COL25A1: variants seen among roughly 807,000 people sequenced by gnomAD.
COL25A1 encodes collagen type XXV alpha 1 chain, also known as collagen alpha-1(XXV) chain.
COL25A1 carries 103 observed loss-of-function variants against 128.4 expected under a neutral mutation model. The ratio of observed to expected loss-of-function variants is 0.80; its 90% CI spans 0.68 to 0.94. The LOEUF (loss-of-function observed/expected upper bound fraction) is 0.94. Among genes scored for constraint, COL25A1 ranks in the 40% least tolerant of loss-of-function variants. The pLI is 0.00. For synonymous variants in COL25A1, 279 were observed against 277.2 expected, an observed-to-expected ratio of 1.01 and a Z score of -0.06; for missense variants, 745 against 840.0, an observed-to-expected ratio of 0.89 and a Z score of 1.40.
chr4:109,112,391 CATA>C lies in COL25A1; in HGVS notation c.368-62215_368-62213del, dbSNP rs1435096291. Among the ~76,000 whole-genome samples, 3 of 152,034 alleles carry C rather than the reference CATA, an allele frequency of 2.0e-5. No homozygotes were observed. In the East Asian group the frequency reaches 5.8e-4, roughly 29 times the overall value. The stretch of plus-strand genomic sequence containing the variant: ...CTTCCCAAGCTAATGCTTGTCTGAC[CATA>C]ATAAATATGGTGGATTATGGAATGA... On this transcript the variant is annotated intron_variant, in intron 3 of 37. Coordinates refer to ENST00000399132, the MANE Select transcript of COL25A1 (RefSeq NM_198721.4).
chr4:109,085,610 A>T (rs1434210418), intron 3 of COL25A1, among the ~76,000 whole-genome samples: 3 of 152,196 alleles, frequency 2.0e-5, no homozygotes, highest in Non-Finnish European at 4.4e-5. Context: ...TTGCACAAAA[A>T]GCCATCAAGG....
intron 3 of COL25A1, among the ~76,000 whole-genome samples, chr4:109,069,513 G>A (rs1025047471): frequency 5.9e-5 from 9 of 152,242 alleles, no homozygotes; most frequent in South Asian, 2.1e-4. Flanking sequence ...TTTAAAGTAC[G>A]TGGAATTTCA....
At chr4:108,844,369 T>A in intron 30 of COL25A1, 150 bp downstream of exon 30, 1 of 1,355,940 alleles carries the variant, frequency 7.4e-7, no homozygotes, top group East Asian at 2.4e-5. Context: ...ACTGTAAAGT[T>A]AATATATCTC....
At chr4:109,255,547 C>G (rs1302252615) in intron 3 of COL25A1, among the ~76,000 whole-genome samples, 2 of 152,118 alleles carry the variant, frequency 1.3e-5, no homozygotes, top group Non-Finnish European at 2.9e-5. Flanking sequence ...TATGGAAACC[C>G]CTTCCCTCCT....
At chr4:109,110,673 T>C (rs1417683890) in intron 3 of COL25A1, among the ~76,000 whole-genome samples, 1 of 152,098 alleles carries the variant, frequency 6.6e-6, no homozygotes, top group Non-Finnish European at 1.5e-5. Context: ...CTTTTCCTGC[T>C]CCTCCTTTTC....
chr4:108,980,986 G>A (rs1752919172), intron 6 of COL25A1, among the ~76,000 whole-genome samples: 1 of 152,104 alleles, frequency 6.6e-6, no homozygotes, highest in Non-Finnish European at 1.5e-5. Flanking sequence ...CAATTCTACT[G>A]CCTACTCCCT....
chr4:109,012,992 A>C (rs1481973289), intron 5 of COL25A1, among the ~76,000 whole-genome samples: 1 of 152,208 alleles, frequency 6.6e-6, no homozygotes, highest in Non-Finnish European at 1.5e-5. Context: ...TATATGCACC[A>C]ATCAGCACTC....
In COL25A1 at chr4:108,813,342, A is replaced by C. The variant is rs138590734; in HGVS notation, c.*585T>G. Reference sequence around the variant, plus strand: ...GGTGTAACCCCCTTGAGATGACAAAAGGAATAAAGGTTCAGATGTAATCAA... The same window carrying C: ...GGTGTAACCCCCTTGAGATGACAAACGGAATAAAGGTTCAGATGTAATCAA... On this transcript the variant is annotated 3_prime_UTR_variant, in exon 38 of 38. Coordinates refer to ENST00000399132, the MANE Select transcript of COL25A1 (RefSeq NM_198721.4). 2 of 152,538 alleles carry C rather than the reference A, an allele frequency of 1.3e-5. No homozygotes were observed. The highest frequency in any genetic ancestry group is 3.9e-4 in the East Asian group (2 of 5,186). 9.4% of individuals were successfully genotyped at this position (152,538 alleles called of 1,614,324 possible). A position where few individuals can be genotyped will look rare whatever the true frequency, so the allele number is the denominator to read the frequency against.
intron 8 of COL25A1, among the ~76,000 whole-genome samples, chr4:108,945,962 G>A (rs1258319030): frequency 6.6e-6 from 1 of 152,162 alleles, no homozygotes; most frequent in East Asian, 1.9e-4. Flanking sequence ...ACTGCACCTG[G>A]CCTGAAATAA....
chr4:109,148,413 C>A (rs1004685800), intron 3 of COL25A1, among the ~76,000 whole-genome samples: 3 of 152,168 alleles, frequency 2.0e-5, no homozygotes, highest in Admixed American at 2.0e-4. Context: ...CTTACCTTTA[C>A]AAAGGAACCT....
chr4:109,052,267 A>G (rs3096488), intron 3 of COL25A1, among the ~76,000 whole-genome samples: 73,775 of 152,016 alleles, frequency 0.49, 19,450 homozygotes, highest in African/African-American at 0.67. Flanking sequence ...ACCAAAATAT[A>G]AATATTTCTG....
chr4:108,874,391 G>A (rs930766159), intron 19 of COL25A1, among the ~76,000 whole-genome samples: 3 of 152,130 alleles, frequency 2.0e-5, no homozygotes, highest in South Asian at 2.1e-4. Flanking sequence ...ACAAAGTGAC[G>A]GAGGAAACTG....
At chr4:109,039,471 T>C (rs1759660018) in intron 5 of COL25A1, among the ~76,000 whole-genome samples, 1 of 152,204 alleles carries the variant, frequency 6.6e-6, no homozygotes, top group Non-Finnish European at 1.5e-5. Context: ...TCTTGGAAAA[T>C]ACACACTACT....
chr4:108,834,500 G>T, intron 31 of COL25A1: 2 of 926,542 alleles, frequency 2.2e-6, no homozygotes, highest in Non-Finnish European at 3.4e-6. Context: ...AACATAATAC[G>T]CAGTTACAGG....
chr4:108,823,709 C>G (rs147422255), intron 35 of COL25A1, among the ~76,000 whole-genome samples: 1 of 152,290 alleles, frequency 6.6e-6, no homozygotes, highest in Non-Finnish European at 1.5e-5. Context: ...ATCAGTCACA[C>G]TGCTTCTCCT....
Position 108,819,173 on chromosome 4 carries a change from C to A in COL25A1, c.1923+79G>T, listed in dbSNP as rs984399397. On this transcript the variant is annotated intron_variant, in intron 36 of 37. Transcript: ENST00000399132. ...TCATGTAAAGCTTGCCCAGAAAGCA[C>A]CACTTTACACTGATAGAGATGAACA... 5.5e-6 allele frequency: 6 copies of A among 1,098,126 alleles called. No individual in the cohort carries two copies. The Admixed American group carries it at 1.5e-4, about 28-fold the overall frequency. 68.0% of individuals were successfully genotyped at this position (1,098,126 alleles called of 1,614,324 possible). A position where few individuals can be genotyped will look rare whatever the true frequency, so the allele number is the denominator to read the frequency against.
At chr4:109,022,292 G>A in intron 5 of COL25A1, 1 of 381,304 alleles carries the variant, frequency 2.6e-6, no homozygotes, top group South Asian at 1.9e-5. Context: ...TGAAATATTG[G>A]GGGCGGGTTC....
intron 26 of COL25A1, 130 bp from the exon 27 acceptor site, chr4:108,848,933 T>C: frequency 1.5e-6 from 1 of 686,850 alleles, no homozygotes; most frequent in Non-Finnish European, 2.6e-6. Context: ...CCGAGAATAT[T>C]CTATTATAGC....
At chr4:109,281,503 C>A (rs1723389393) in intron 3 of COL25A1, among the ~76,000 whole-genome samples, 1 of 151,578 alleles carries the variant, frequency 6.6e-6, no homozygotes, top group African/African-American at 2.4e-5. Flanking sequence ...TTTTAGGCTC[C>A]TTTTTAATCA....
Sources: allele counts gnomAD v4.1 joint callset (sites outside exome capture counted in the v4.1 genomes callset), GRCh38; gene constraint gnomAD v4.1.1; transcripts MANE v1.5; gene names NCBI Gene and HGNC (gene_info 2026-07-23, HGNC 2026-07-21).